STAG1: variants seen among roughly 807,000 people sequenced by gnomAD.
STAG1 encodes the protein STAG1 cohesin complex component.
STAG1 carries 26 observed loss-of-function variants against 170.9 expected under a neutral mutation model. The observed-to-expected ratio is 0.15, with a 90% confidence interval of 0.11 to 0.21. The LOEUF is 0.21. Ranked by LOEUF, STAG1 falls within the 10% of genes least tolerant of loss-of-function variation. The pLI is 1.00. For synonymous variants in STAG1, 514 were observed against 497.7 expected, an observed-to-expected ratio of 1.03 and a Z score of -0.44; for missense variants, 964 against 1,509.5, an observed-to-expected ratio of 0.64 and a Z score of 5.99.
intron 21 of STAG1, among the ~76,000 whole-genome samples, chr3:136,410,068 TAAAAAAAAAAA>T (rs766763989): frequency 1.1e-5 from 1 of 93,082 alleles, no homozygotes; most frequent in Non-Finnish European, 2.1e-5. Flanking sequence ...AGTCCTTGTC[TAAAAAAAAAAA>T]AAAAAAAAAA....
At chr3:136,498,247 C>T (rs1170962898) in intron 9 of STAG1, among the ~76,000 whole-genome samples, 3,924 of 50,662 alleles carry the variant, frequency 0.077, 205 homozygotes, top group African/African-American at 0.11. Flanking sequence ...CATACATATA[C>T]ATACACACAC....
At chr3:136,696,810 A>G (rs555442899) in intron 1 of STAG1, among the ~76,000 whole-genome samples, 5 of 152,340 alleles carry the variant, frequency 3.3e-5, no homozygotes, top group African/African-American at 1.2e-4. Context: ...TATGTATGAC[A>G]TTCTGAGAAA....
chr3:136,386,451 T>G (rs900512437), intron 22 of STAG1, among the ~76,000 whole-genome samples: 2 of 152,126 alleles, frequency 1.3e-5, no homozygotes, highest in Admixed American at 6.6e-5. Context: ...ATAAGCTATA[T>G]TAGAAAGAAG....
At chr3:136,522,604 T>C (rs924605328) in intron 6 of STAG1, among the ~76,000 whole-genome samples, 4 of 152,164 alleles carry the variant, frequency 2.6e-5, no homozygotes, top group African/African-American at 9.7e-5. Flanking sequence ...AGTTCTAGGG[T>C]ACATGTGCAC....
At chr3:136,647,820 C>G (rs1178121399) in intron 1 of STAG1, among the ~76,000 whole-genome samples, 1 of 152,174 alleles carries the variant, frequency 6.6e-6, no homozygotes, top group African/African-American at 2.4e-5. Context: ...TCTACCTTCT[C>G]ATTTTTCATT....
At position 136,466,439 on chromosome 3, in the gene STAG1, G is replaced by A. The variant is rs1207339744; in HGVS notation, c.1206-1451C>T. On this transcript the variant is annotated intron_variant, in intron 12 of 33. Coordinates refer to ENST00000383202, the MANE Select transcript of STAG1 (RefSeq NM_005862.3). ...TCAAATGAATGAAATGAAGTGAGAA[G>A]AGAAGTTAAGAGAAAAAAGAGTAAA... 2.0e-5 allele frequency among the ~76,000 whole-genome samples: 3 copies of A among 152,274 alleles called. No homozygotes were observed. In the East Asian group the frequency reaches 5.8e-4, roughly 29 times the overall value.
intron 10 of STAG1, among the ~76,000 whole-genome samples, chr3:136,473,959 T>C (rs879874676): frequency 6.6e-6 from 1 of 152,234 alleles, no homozygotes; most frequent in South Asian, 2.1e-4. Flanking sequence ...GGGAAAAGTA[T>C]GTTTATTTGT....
At chr3:136,751,181 T>C in intron 1 of STAG1, among the ~76,000 whole-genome samples, 1 of 147,432 alleles carries the variant, frequency 6.8e-6, no homozygotes, top group Admixed American at 6.6e-5. Flanking sequence ...CGTTTTTTTT[T>C]TTTGTTTTTT....
intron 5 of STAG1, among the ~76,000 whole-genome samples, chr3:136,544,160 T>C (rs541800333): frequency 6.6e-6 from 1 of 152,238 alleles, no homozygotes; most frequent in African/African-American, 2.4e-5. Flanking sequence ...CTAGTACCTA[T>C]CATAGGGGTA....
At chr3:136,742,896 C>T (rs1934747112) in intron 1 of STAG1, among the ~76,000 whole-genome samples, 1 of 151,884 alleles carries the variant, frequency 6.6e-6, no homozygotes, top group Non-Finnish European at 1.5e-5. Flanking sequence ...TATTAGAAAA[C>T]AAAAAGTGCC....
intron 1 of STAG1, chr3:136,737,274 T>C: frequency 3.8e-6 from 2 of 522,532 alleles, no homozygotes; most frequent in South Asian, 3.3e-5. Flanking sequence ...AGTTAATTTT[T>C]TGTATTCTTA....
chr3:136,472,717 G>C (rs574391194), intron 11 of STAG1, among the ~76,000 whole-genome samples: 1 of 152,262 alleles, frequency 6.6e-6, no homozygotes, highest in African/African-American at 2.4e-5. Flanking sequence ...CCTAAACCTT[G>C]TGTCAAGGAA....
chr3:136,631,343 T>C (rs554656467), intron 1 of STAG1, among the ~76,000 whole-genome samples: 1 of 152,326 alleles, frequency 6.6e-6, no homozygotes, highest in African/African-American at 2.4e-5. Flanking sequence ...CCATATGACA[T>C]TTTGGAAAAG....
chr3:136,494,519 C>T (rs561608499), intron 9 of STAG1, among the ~76,000 whole-genome samples: 9 of 152,198 alleles, frequency 5.9e-5, no homozygotes, highest in South Asian at 2.1e-4. Flanking sequence ...AAAGTAAATG[C>T]ACAAATCCTT....
chr3:136,698,341 T>C (rs1233659640), intron 1 of STAG1, among the ~76,000 whole-genome samples: 2 of 151,722 alleles, frequency 1.3e-5, no homozygotes, highest in Non-Finnish European at 2.9e-5. Context: ...GCAAAAGACA[T>C]GAAGAGACAT....
At chr3:136,655,946 A>G (rs1262127805) in intron 1 of STAG1, among the ~76,000 whole-genome samples, 1 of 152,150 alleles carries the variant, frequency 6.6e-6, no homozygotes, top group South Asian at 2.1e-4. Context: ...AGAACTGAAA[A>G]TGAGGTCTTG....
intron 1 of STAG1, among the ~76,000 whole-genome samples, chr3:136,642,714 T>C (rs977193044): frequency 6.6e-6 from 1 of 152,242 alleles, no homozygotes; most frequent in South Asian, 2.1e-4. Context: ...CTAGGGCTGC[T>C]GTAACATACA....
At chr3:136,353,571 G>C (rs544545183) in intron 28 of STAG1, among the ~76,000 whole-genome samples, 1 of 152,214 alleles carries the variant, frequency 6.6e-6, no homozygotes, top group African/African-American at 2.4e-5. Context: ...CATGGTCAAA[G>C]TGTTGAAAGT....
At chr3:136,559,809 A>G (rs1440868072) in intron 5 of STAG1, among the ~76,000 whole-genome samples, 1 of 152,194 alleles carries the variant, frequency 6.6e-6, no homozygotes, top group Non-Finnish European at 1.5e-5. Context: ...CAAAAAACCA[A>G]TATAAAACAG....
Sources: allele counts gnomAD v4.1 joint callset (sites outside exome capture counted in the v4.1 genomes callset), GRCh38; gene constraint gnomAD v4.1.1; transcripts MANE v1.5; gene names NCBI Gene and HGNC (gene_info 2026-07-23, HGNC 2026-07-21).